Variants in EPB41L4B observed in about 807,000 individuals in gnomAD.
The protein encoded by EPB41L4B is erythrocyte membrane protein band 4.1 like 4B.
EPB41L4B carries 30 observed loss-of-function variants against 112.5 expected under a neutral mutation model. That is an observed-to-expected ratio of 0.27 (90% CI 0.20 to 0.36). The LOEUF (loss-of-function observed/expected upper bound fraction) is 0.36, where lower values mean the gene tolerates loss of function less well. EPB41L4B is among the 10% of genes least tolerant of loss of function. The probability of loss-of-function intolerance (pLI) is 1.00; values close to 1 mark genes in which losing one functional copy is unlikely to be tolerated. For synonymous variants in EPB41L4B, 408 were observed against 439.7 expected (o/e 0.93, Z 0.90); for missense variants, 1,024 against 1,133.3 (o/e 0.90, Z 1.38).
chr9:109,187,536 C>T (rs796602970), intron 22 of EPB41L4B, among the ~76,000 whole-genome samples: 1 of 152,126 alleles, frequency 6.6e-6, no homozygotes, highest in Non-Finnish European at 1.5e-5. Context: ...TCCTGCTGCT[C>T]TCTATGGACC....
chr9:109,221,676 A>G (rs185159749), intron 15 of EPB41L4B, among the ~76,000 whole-genome samples: 1 of 152,356 alleles, frequency 6.6e-6, no homozygotes, highest in East Asian at 1.9e-4. Context: ...GCATGTCATT[A>G]ATAGAAAAAA....
intron 17 of EPB41L4B, among the ~76,000 whole-genome samples, 163 bp from the exon 18 acceptor site, chr9:109,208,212 G>A (rs1254961847): frequency 6.6e-6 from 1 of 152,150 alleles, no homozygotes; most frequent in Non-Finnish European, 1.5e-5. Flanking sequence ...ATTTGCAAAG[G>A]GTTCTCAGGC....
intron 6 of EPB41L4B, among the ~76,000 whole-genome samples, chr9:109,259,267 T>C (rs1274369070): frequency 6.6e-6 from 1 of 152,184 alleles, no homozygotes; most frequent in Non-Finnish European, 1.5e-5. Flanking sequence ...CACTGAGGTA[T>C]AATAGTGGCT....
intron 1 of EPB41L4B, among the ~76,000 whole-genome samples, chr9:109,285,797 T>C (rs372227765): frequency 2.5e-4 from 38 of 152,274 alleles, no homozygotes; most frequent in African/African-American, 9.1e-4. Flanking sequence ...GGGCAACCCC[T>C]ACAAATCTGA....
intron 1 of EPB41L4B, among the ~76,000 whole-genome samples, chr9:109,291,777 T>C (rs1446445057): frequency 6.6e-6 from 1 of 152,194 alleles, no homozygotes; most frequent in Non-Finnish European, 1.5e-5. Flanking sequence ...CCTCACTCCA[T>C]GGGCAAGGGG....
intron 20 of EPB41L4B, among the ~76,000 whole-genome samples, chr9:109,198,169 T>C (rs1418732353): frequency 2.0e-5 from 3 of 152,210 alleles, no homozygotes; most frequent in Non-Finnish European, 4.4e-5. Flanking sequence ...CATGCCTCTT[T>C]TCCTTTTCAC....
chr9:109,320,242 C>T lies in EPB41L4B; in HGVS notation c.205G>A (p.Gly69Ser). The change falls in exon 1 of 26, where the codon GGC becomes AGC. Residue 69 changes from glycine (G) to serine (S), a missense_variant. Coordinates refer to ENST00000374566, the MANE Select transcript of EPB41L4B (RefSeq NM_019114.5). ...FPAGGGPLLT[G>S]GAAVHISAAG... ...GCGGAGATGTGCACGGCCGCGCCGC[C>T]GGTGAGCAGGGGCCCGCCGCCCGCC... The T allele has an allele frequency of 7.9e-7, 1 of 1,269,114 alleles. No homozygotes were observed. The highest frequency in any genetic ancestry group is 1.0e-6 in the Non-Finnish European group (1 of 1,003,976). The allele number at this position is 1,269,114 out of a possible 1,614,324, so 78.6% of individuals were successfully genotyped here.
chr9:109,218,189 T>A (rs1833451771), intron 15 of EPB41L4B, among the ~76,000 whole-genome samples: 1 of 135,660 alleles, frequency 7.4e-6, no homozygotes, highest in Non-Finnish European at 1.5e-5. Flanking sequence ...ACAGTGGCAC[T>A]ATCTCAGCTC....
chr9:109,296,723 C>A (rs1836743428), intron 1 of EPB41L4B, among the ~76,000 whole-genome samples: 1 of 152,006 alleles, frequency 6.6e-6, no homozygotes, highest in South Asian at 2.1e-4. Flanking sequence ...TCCATCTCTA[C>A]ACAAAATTTT....
intron 17 of EPB41L4B, among the ~76,000 whole-genome samples, chr9:109,209,935 C>T (rs1833105996): frequency 6.6e-6 from 1 of 152,216 alleles, no homozygotes; most frequent in Non-Finnish European, 1.5e-5. Context: ...ACTCCAAAGC[C>T]AGAGCTCCTG....
intron 2 of EPB41L4B, among the ~76,000 whole-genome samples, chr9:109,277,278 G>A (rs113988584): frequency 3.5e-4 from 50 of 142,924 alleles, no homozygotes; most frequent in African/African-American, 1.1e-3. Flanking sequence ...TAGGCCTGCC[G>A]CTCCAGGTGT....
chr9:109,271,546 C>A (rs1219851755), intron 2 of EPB41L4B, among the ~76,000 whole-genome samples: 1 of 152,164 alleles, frequency 6.6e-6, no homozygotes, highest in Non-Finnish European at 1.5e-5. Flanking sequence ...GTGTTTTATC[C>A]CACAAGACCA....
chr9:109,307,421 G>A (rs939668197), intron 1 of EPB41L4B, among the ~76,000 whole-genome samples: 1 of 152,102 alleles, frequency 6.6e-6, no homozygotes, highest in African/African-American at 2.4e-5. Flanking sequence ...TCCTTTCTCA[G>A]GTTTCATCCT....
intron 1 of EPB41L4B, among the ~76,000 whole-genome samples, chr9:109,297,350 A>G (rs886430570): frequency 6.6e-6 from 1 of 152,208 alleles, no homozygotes; most frequent in African/African-American, 2.4e-5. Flanking sequence ...TTGTTACAGC[A>G]GTCCTAGCAA....
chr9:109,294,299 T>C (rs1588218218), intron 1 of EPB41L4B, among the ~76,000 whole-genome samples: 2 of 122,894 alleles, frequency 1.6e-5, no homozygotes, highest in East Asian at 2.5e-4. Flanking sequence ...AGAGTGAGAC[T>C]CCGTCTCAAA....
Position 109,208,108 on chromosome 9 carries a change from A to G in EPB41L4B, c.1753-59T>C. The G allele has an allele frequency of 1.9e-6, 3 of 1,602,684 alleles. No homozygotes were observed. In the Middle Eastern group the frequency reaches 5.0e-4, roughly 267 times the overall value. On this transcript the variant is annotated intron_variant, in intron 17 of 25. Transcript: ENST00000374566. ...AAACAAAGAGAGAACCATGTGCATT[A>G]ACTTTTCCCAATAATCATAACTGCA...
intron 23 of EPB41L4B, among the ~76,000 whole-genome samples, chr9:109,184,487 G>A (rs2118632329): frequency 6.6e-6 from 1 of 152,352 alleles, no homozygotes; most frequent in East Asian, 1.9e-4. Flanking sequence ...CCAAAGTGCT[G>A]GGATTACAGG....
At chr9:109,259,632 T>C (rs1368614236) in intron 6 of EPB41L4B, among the ~76,000 whole-genome samples, 1 of 152,176 alleles carries the variant, frequency 6.6e-6, no homozygotes, top group South Asian at 2.1e-4. Flanking sequence ...TTAACATCTC[T>C]GGGTCTCCGG....
chr9:109,292,721 T>C (rs1836578604), intron 1 of EPB41L4B, among the ~76,000 whole-genome samples: 1 of 152,204 alleles, frequency 6.6e-6, no homozygotes, highest in East Asian at 1.9e-4. Flanking sequence ...TCTCTGATAC[T>C]CTTATCAAGA....
Sources: gnomAD v4.1 joint callset for allele counts (sites outside exome capture counted in the v4.1 genomes callset) on GRCh38, gnomAD v4.1.1 for gene constraint, MANE v1.5 for transcripts, NCBI Gene and HGNC (gene_info 2026-07-23, HGNC 2026-07-21) for gene names.